The following HSPA4 variants were observed in gnomAD, a reference collection of about 807,000 sequenced individuals.
HSPA4 encodes heat shock protein family A (Hsp70) member 4, also known as heat shock 70 kDa protein 4.
In HSPA4, 25 loss-of-function variants were observed where a neutral mutation model predicts 106.2. The observed-to-expected ratio is 0.24, with a 90% CI of 0.17 to 0.33. The LOEUF (loss-of-function observed/expected upper bound fraction) is 0.33, where lower values mean the gene tolerates loss of function less well. HSPA4 is among the 10% of genes least tolerant of loss of function. HSPA4 has a pLI of 1.00. For missense variants in HSPA4, 841 were observed against 996.0 expected (o/e 0.84, Z 2.10); for synonymous variants, 332 against 333.6 (o/e 1.00, Z 0.05).
chr5:133,068,352 A>G (rs181100192), intron 3 of HSPA4, among the ~76,000 whole-genome samples: 84 of 152,186 alleles, frequency 5.5e-4, no homozygotes, highest in African/African-American at 1.9e-3. Flanking sequence ...GATCACAGAA[A>G]AAGGGTAAGA....
intron 1 of HSPA4, among the ~76,000 whole-genome samples, chr5:133,063,886 T>C (rs1055998204): frequency 6.6e-6 from 1 of 152,000 alleles, no homozygotes; most frequent in Non-Finnish European, 1.5e-5. Flanking sequence ...CTCAGCCTCT[T>C]GAGTAGGTGG....
At chr5:133,088,287 C>T (rs573168289) in intron 8 of HSPA4, 117 bp from the exon 9 acceptor site, 49 of 682,252 alleles carry the variant, frequency 7.2e-5, no homozygotes, top group African/African-American at 1.1e-4. Flanking sequence ...GTGTGTGTTG[C>T]GGAGGTGGGT....
chr5:133,097,815 C>T (rs183133959), intron 15 of HSPA4, among the ~76,000 whole-genome samples: 1,650 of 152,094 alleles, frequency 0.011, 36 homozygotes, highest in African/African-American at 0.038. Flanking sequence ...TCCCGAAGTG[C>T]TGGGATTACA....
At chr5:133,087,041 A>G (rs564168242) in intron 8 of HSPA4, among the ~76,000 whole-genome samples, 183 bp downstream of exon 8, 1 of 152,324 alleles carries the variant, frequency 6.6e-6, no homozygotes, top group African/African-American at 2.4e-5. Context: ...TGAAATGTCT[A>G]GGGAAATCTA....
At chr5:133,063,343 T>C (rs1765268410) in intron 1 of HSPA4, among the ~76,000 whole-genome samples, 1 of 151,940 alleles carries the variant, frequency 6.6e-6, no homozygotes, top group Admixed American at 6.6e-5. Flanking sequence ...GGTCTTGAAT[T>C]CCTGTACTCA....
chr5:133,060,772 T>C (rs989230754), intron 1 of HSPA4, among the ~76,000 whole-genome samples: 2 of 150,988 alleles, frequency 1.3e-5, no homozygotes, highest in African/African-American at 4.9e-5. Context: ...TAGATAATTT[T>C]AAAGGTAGCT....
intron 1 of HSPA4, among the ~76,000 whole-genome samples, chr5:133,053,541 G>T (rs1442274544): frequency 6.6e-6 from 1 of 151,760 alleles, no homozygotes; most frequent in Non-Finnish European, 1.5e-5. Flanking sequence ...GTAGAAATCG[G>T]GTTTCACTAT....
At chr5:133,085,143 A>T (rs112900339) in intron 7 of HSPA4, among the ~76,000 whole-genome samples, 92 of 144,156 alleles carry the variant, frequency 6.4e-4, no homozygotes, top group African/African-American at 2.0e-3. Context: ...TTAAAAAAAA[A>T]TTTTTTTTTT....
chr5:133,092,011 T>C (rs1161993685), intron 12 of HSPA4, among the ~76,000 whole-genome samples: 1 of 152,186 alleles, frequency 6.6e-6, no homozygotes, highest in Non-Finnish European at 1.5e-5. Flanking sequence ...TTTGCGCCAC[T>C]GCACTCTAGC....
chr5:133,096,682 TACTG>T (rs1765716122), intron 14 of HSPA4, among the ~76,000 whole-genome samples: 2 of 152,216 alleles, frequency 1.3e-5, no homozygotes, highest in South Asian at 4.1e-4. Context: ...TAGTAACTCT[TACTG>T]AGTGATGCAA....
At position 133,089,705 on chromosome 5, in the gene HSPA4, GAGTTGGAAATTAAAAAAGA is replaced by G; in HGVS notation, c.1378+12_1378+30del. On this transcript the variant is annotated intron_variant, in intron 11 of 18. Coordinates refer to ENST00000304858, the MANE Select transcript of HSPA4 (RefSeq NM_002154.4). ...CCAGATCCTGCTATAGGTAAGTAAA[GAGTTGGAAATTAAAAAAGA>G]AAAAAAAAAAAAAGCACAGTGGCTC... 6.8e-7 allele frequency: 1 copy of G among 1,472,456 alleles called. No homozygotes were observed. Among genetic ancestry groups the G allele is most frequent in the Non-Finnish European group, 9.1e-7 (1 of 1,103,494 alleles). The allele number at this position is 1,472,456 out of a possible 1,614,324, so 91.2% of individuals were successfully genotyped here.
chr5:133,054,999 C>G (rs955101158), intron 1 of HSPA4, among the ~76,000 whole-genome samples: 5 of 152,106 alleles, frequency 3.3e-5, no homozygotes, highest in African/African-American at 1.2e-4. Flanking sequence ...TCCTGTTTTT[C>G]TTTTAGAAAG....
At chr5:133,079,285 T>C (rs1305465262) in intron 7 of HSPA4, among the ~76,000 whole-genome samples, 1 of 152,116 alleles carries the variant, frequency 6.6e-6, no homozygotes, top group African/African-American at 2.4e-5. Context: ...ACCCAGTAGG[T>C]GATTATTTCC....
intron 2 of HSPA4, among the ~76,000 whole-genome samples, chr5:133,065,300 A>G (rs1765293601): frequency 1.3e-5 from 2 of 152,256 alleles, no homozygotes; most frequent in Admixed American, 6.5e-5. Context: ...AAATGAAAAC[A>G]ATCCAGTGTA....
Position 133,096,215 on chromosome 5 carries a change from G to C in HSPA4, c.1768G>C (p.Asp590His), listed in dbSNP as rs1248321800. 4.3e-6 allele frequency: 7 copies of C among 1,613,868 alleles called. No homozygotes were observed. Among genetic ancestry groups the C allele is most frequent in the Non-Finnish European group, 8.5e-7 (1 of 1,179,848 alleles). Residue 590 changes from aspartate (D) to histidine (H), a missense_variant, in exon 14 of 19, where the codon GAC (aspartate) becomes CAC (histidine). Physicochemically the swap from Asp to His is moderately conservative, Grantham distance 81. Transcript: ENST00000304858. The part of the protein sequence containing the change: ...PIENQLLWQI[D>H]REMLNLYIEN... ...CGAGAATCAGCTATTATGGCAGATA[G>C]ACAGAGAGATGCTCAACTTGTACAT...
chr5:133,102,542 A>C (rs976874914), intron 17 of HSPA4, among the ~76,000 whole-genome samples: 2 of 152,122 alleles, frequency 1.3e-5, no homozygotes, highest in East Asian at 3.9e-4. Flanking sequence ...GATAAATTCC[A>C]ACTTATTGAA....
At chr5:133,082,880 A>G (rs56143603) in intron 7 of HSPA4, among the ~76,000 whole-genome samples, 33,827 of 152,050 alleles carry the variant, frequency 0.22, 3,893 homozygotes, top group South Asian at 0.26. Flanking sequence ...TCACGCCTGT[A>G]ATCCCAGCAT....
Position 133,076,774 on chromosome 5 carries a change from G to A in HSPA4, c.784G>A (p.Ala262Thr). 6.2e-7 allele frequency: 1 copy of A among 1,613,980 alleles called. No individual in the cohort carries two copies. Among genetic ancestry groups the A allele is most frequent in the Non-Finnish European group, 8.5e-7 (1 of 1,179,944 alleles). The change falls in exon 7 of 19, where the codon GCA becomes ACA. Residue 262 changes from alanine (A) to threonine (T), a missense_variant. By Grantham distance (58) the Ala-to-Thr change is moderately conservative. Around this residue, in one of 5 missense-constraint regions of HSPA4, gnomAD observed 347 missense variants for 408.7 expected, o/e 0.85. Coordinates refer to ENST00000304858, the MANE Select transcript of HSPA4 (RefSeq NM_002154.4). Reference protein sequence around the residue: ...YKLDIKSKIRALLRLSQECEK... With the variant: ...YKLDIKSKIRTLLRLSQECEK... ...GCTAGACATTAAGTCCAAAATCCGT[G>A]CATTATTACGACTCTCTCAGGAGTG...
chr5:133,086,722 A>G, intron 7 of HSPA4, 60 bp from the exon 8 acceptor site: 1 of 1,183,106 alleles, frequency 8.5e-7, no homozygotes, highest in Non-Finnish European at 1.3e-6. Flanking sequence ...CATCCATTCC[A>G]CATAAAAGTG....
Sources: allele counts gnomAD v4.1 joint callset (sites outside exome capture counted in the v4.1 genomes callset), GRCh38; gene constraint gnomAD v4.1.1; regional missense constraint gnomAD v4.1.1; transcripts MANE v1.5; gene names NCBI Gene and HGNC (gene_info 2026-07-23, HGNC 2026-07-21).